The following AHCTF1 variants were observed in gnomAD, a reference collection of about 807,000 sequenced individuals.
AHCTF1 encodes protein ELYS.
Under a neutral mutation model 248.4 loss-of-function variants are expected in AHCTF1, and 24 were observed. The observed-to-expected ratio is 0.10, with a 90% confidence interval of 0.07 to 0.14. The LOEUF (loss-of-function observed/expected upper bound fraction) is 0.14, where lower values mean the gene tolerates loss of function less well. Ranked by LOEUF, AHCTF1 falls within the 10% of genes least tolerant of loss-of-function variation. The pLI is 1.00. For missense variants in AHCTF1, 2,206 were observed against 2,636.2 expected (o/e 0.84, Z 3.57); for synonymous variants, 786 against 929.8 (o/e 0.85, Z 2.81).
At chr1:246,875,947 G>A (rs1370684610) in intron 24 of AHCTF1, 90 bp downstream of exon 24, 32 of 1,267,380 alleles carry the variant, frequency 2.5e-5, no homozygotes, top group Non-Finnish European at 3.5e-5. Flanking sequence ...GTTAGCGAAA[G>A]TAGCTAAATT....
chr1:246,853,389 C>A, intron 31 of AHCTF1, 90 bp from the exon 32 acceptor site: 1 of 1,010,214 alleles, frequency 9.9e-7, no homozygotes, highest in African/African-American at 1.6e-5. Flanking sequence ...GGCTACACTG[C>A]ACTTGAATAG....
intron 24 of AHCTF1, among the ~76,000 whole-genome samples, chr1:246,871,747 G>C (rs1662602975): frequency 6.6e-6 from 1 of 151,908 alleles, no homozygotes; most frequent in Admixed American, 6.6e-5. Context: ...ACTATAAGGA[G>C]GTTAATAATA....
chr1:246,858,736 T>C (rs1572373938), intron 29 of AHCTF1, among the ~76,000 whole-genome samples: 1 of 147,192 alleles, frequency 6.8e-6, no homozygotes, highest in East Asian at 2.0e-4. Flanking sequence ...GAGGCAGAGG[T>C]TGCGGTGAGC....
At position 246,863,997 on chromosome 1, in the gene AHCTF1, T is replaced by G. The variant is rs775570175; in HGVS notation, c.3467A>C (p.Gln1156Pro). The G allele has an allele frequency of 6.2e-7, 1 of 1,614,120 alleles. No homozygotes were observed. The highest frequency in any genetic ancestry group is 8.5e-7 in the Non-Finnish European group (1 of 1,180,022). Residue 1156 changes from glutamine to proline, a missense_variant, in exon 27 of 36, where the codon CAA (glutamine) becomes CCA (proline). Physicochemically the swap from Gln to Pro is moderately conservative, Grantham distance 76 (BLOSUM62 -1). Coordinates refer to ENST00000648844, the MANE Select transcript of AHCTF1 (RefSeq NM_001323342.2). ...GATGGCCTGAGGCGATCCTTTTAAT[T>G]GCGAACTTGAGGGCAGTGAACGGGA... is the stretch of plus-strand genomic sequence containing the variant. ...LVSRSLPSSS[Q>P]LKGSPQAISR... is the part of the protein sequence containing the mutation.
At chr1:246,929,669 G>A (rs1312909134) in intron 1 of AHCTF1, among the ~76,000 whole-genome samples, 1 of 152,172 alleles carries the variant, frequency 6.6e-6, no homozygotes, top group Non-Finnish European at 1.5e-5. Context: ...GCTAACCGAG[G>A]GAAGTTACAC....
Position 246,881,837 on chromosome 1 carries a change from C to CA in AHCTF1, c.2660+3655dup, listed in dbSNP as rs541141857. ...TGGGTAACAGAGCAAGGCTCCGTCT[C>CA]AAAAAAAAAAACCAAAAAAAAAAAC... On this transcript the variant is annotated intron_variant, in intron 21 of 35. Transcript: ENST00000648844. Among the ~76,000 whole-genome samples the CA allele has an allele frequency of 2.9e-3, 219 of 76,622 alleles. 3 individuals are homozygous for CA. Among genetic ancestry groups the CA allele is most frequent in the African/African-American group, 7.4e-3 (166 of 22,360 alleles). The allele number at this position is 76,622 out of a possible 152,430, so 50.3% of individuals were successfully genotyped here. A position where few individuals can be genotyped will look rare whatever the true frequency, so the allele number is the denominator to read the frequency against.
intron 32 of AHCTF1, chr1:246,851,771 C>A: frequency 4.9e-6 from 1 of 204,934 alleles, no homozygotes. Context: ...TATTCTCACC[C>A]AAGAAAAAAA....
intron 4 of AHCTF1, among the ~76,000 whole-genome samples, chr1:246,909,759 G>A (rs1665666958): frequency 2.0e-5 from 3 of 152,196 alleles, no homozygotes; most frequent in South Asian, 4.1e-4. Flanking sequence ...GGCATCCACT[G>A]GGGTTCTTGG....
At chr1:246,861,795 GTTTC>G in intron 28 of AHCTF1, among the ~76,000 whole-genome samples, 160 bp downstream of exon 28, 1 of 152,112 alleles carries the variant, frequency 6.6e-6, no homozygotes, top group East Asian at 1.9e-4. Flanking sequence ...TGGCCCTAGT[GTTTC>G]TTTCAGAACT....
Position 246,922,617 on chromosome 1 carries a change from C to T in AHCTF1, c.-7-4240G>A, listed in dbSNP as rs367564374. On this transcript the variant is annotated intron_variant, in intron 1 of 35. Coordinates refer to ENST00000648844, the MANE Select transcript of AHCTF1 (RefSeq NM_001323342.2). ...CTATGTTGCCCATGATGGTCTTGAA[C>T]TCCTGGGTTCCAGCAATCCTCCTGC... Among the ~76,000 whole-genome samples, 17 of 151,468 alleles carry T rather than the reference C, an allele frequency of 1.1e-4. No homozygotes were observed. In the South Asian group the frequency reaches 3.1e-3, roughly 28 times the overall value.
chr1:246,890,111 A>C, intron 16 of AHCTF1, 52 bp from the exon 17 acceptor site: 521 of 1,205,268 alleles, frequency 4.3e-4, no homozygotes, highest in Non-Finnish European at 5.7e-4. Flanking sequence ...CAAATATCTC[A>C]ACAATACATA....
chr1:246,868,641 G>T (rs1340422296), intron 24 of AHCTF1, among the ~76,000 whole-genome samples: 2 of 149,004 alleles, frequency 1.3e-5, no homozygotes, highest in African/African-American at 2.5e-5. Flanking sequence ...GTTATTCTTT[G>T]TGTTTTCTAG....
chr1:246,924,516 T>G (rs1361848369), intron 1 of AHCTF1, among the ~76,000 whole-genome samples: 1 of 152,080 alleles, frequency 6.6e-6, no homozygotes, highest in Admixed American at 6.6e-5. Context: ...AAAAATACAG[T>G]ACATATTTAT....
In AHCTF1 at chr1:246,849,638, G is replaced by A; in HGVS notation, c.6368C>T (p.Ser2123Leu). 1 of 1,609,770 alleles carries A rather than the reference G, an allele frequency of 6.2e-7. No homozygotes were observed. Among genetic ancestry groups the A allele is most frequent in the Admixed American group, 1.7e-5 (1 of 59,584 alleles). Residue 2123 changes from serine (S) to leucine (L), a missense_variant, in exon 33 of 36, where the codon TCA (serine) becomes TTA (leucine). Coordinates refer to ENST00000648844, the MANE Select transcript of AHCTF1 (RefSeq NM_001323342.2). ...PNNEPLFSPA[S>L]EVPRKAKAKK... ...ACCTTTTGCTTTCCTTGGAACTTCT[G>A]ACGCTGGAGAAAATAAAGGCTCATT...
Position 246,888,246 on chromosome 1 carries a change from G to C in AHCTF1, c.2269-13C>G, listed in dbSNP as rs781635057. 1 of 1,613,718 alleles carries C rather than the reference G, an allele frequency of 6.2e-7. No homozygotes were observed. The highest frequency in any genetic ancestry group is 8.5e-7 in the Non-Finnish European group (1 of 1,179,914). ...TATCAAGTACTGCCTATAAAACAAAGGGATAAAACCTTCAGTGGATCTTAT... is the reference window on the plus strand; with the variant it reads ...TATCAAGTACTGCCTATAAAACAAACGGATAAAACCTTCAGTGGATCTTAT... On this transcript the variant is annotated splice_polypyrimidine_tract_variant and intron_variant, in intron 18 of 35. Coordinates refer to ENST00000648844, the MANE Select transcript of AHCTF1 (RefSeq NM_001323342.2).
intron 33 of AHCTF1, among the ~76,000 whole-genome samples, chr1:246,847,412 TGGAACGATATACA>T (rs1660358371): frequency 6.6e-6 from 1 of 152,242 alleles, no homozygotes; most frequent in Admixed American, 6.5e-5. Context: ...CATATGTATC[TGGAACGATATACA>T]GGAAAACGTG....
chr1:246,855,604 G>C, intron 31 of AHCTF1, 126 bp downstream of exon 31: 1 of 699,000 alleles, frequency 1.4e-6, no homozygotes, highest in South Asian at 2.0e-5. Flanking sequence ...AAGCTGACCA[G>C]AGAGAGGAAT....
At chr1:246,915,398 A>G (rs149412849) in intron 3 of AHCTF1, among the ~76,000 whole-genome samples, 1 of 152,136 alleles carries the variant, frequency 6.6e-6, no homozygotes, top group East Asian at 1.9e-4. Context: ...GCCATTCACA[A>G]TCTAAAACCT....
rs1435144080 is a variant in AHCTF1 at position 246,839,231 on chromosome 1, G to A, written c.*1575C>T. On this transcript the variant is annotated 3_prime_UTR_variant, in exon 36 of 36. Coordinates refer to ENST00000648844, the MANE Select transcript of AHCTF1 (RefSeq NM_001323342.2). ...CTTATGATCTACATTCACGGAGGGG[G>A]GAAAAAAAGTACACTTATTAAAAAC... 3 of 151,902 alleles carry A rather than the reference G, an allele frequency of 2.0e-5. No individual in the cohort carries two copies. Among genetic ancestry groups the A allele is most frequent in the Non-Finnish European group, 4.4e-5 (3 of 67,978 alleles). 9.4% of individuals were successfully genotyped at this position (151,902 alleles called of 1,614,324 possible). A position where few individuals can be genotyped will look rare whatever the true frequency, so the allele number is the denominator to read the frequency against.
Sources: gnomAD v4.1 joint callset for allele counts (sites outside exome capture counted in the v4.1 genomes callset) on GRCh38, gnomAD v4.1.1 for gene constraint, MANE v1.5 for transcripts, NCBI Gene and HGNC (gene_info 2026-07-23, HGNC 2026-07-21) for gene names.